The following INTS13 variants were observed in gnomAD, a reference collection of about 807,000 sequenced individuals.
INTS13 encodes the protein asunder, spermatogenesis regulator homolog (Drosphila).
INTS13 carries 35 observed loss-of-function variants against 90.2 expected under a neutral mutation model. The ratio of observed to expected loss-of-function variants is 0.39; its 90% CI spans 0.30 to 0.51. INTS13 has a LOEUF of 0.51. Among genes scored for constraint, INTS13 ranks in the 20% least tolerant of loss-of-function variants. The pLI, the probability that INTS13 is intolerant of heterozygous loss-of-function variation, is 0.80. For missense variants in INTS13, 601 were observed against 851.2 expected (o/e 0.71, Z 3.66); for synonymous variants, 309 against 277.1 (o/e 1.11, Z -1.14).
intron 5 of INTS13, among the ~76,000 whole-genome samples, chr12:26,927,392 C>T (rs1937936987): frequency 6.6e-6 from 1 of 152,112 alleles, no homozygotes; most frequent in Non-Finnish European, 1.5e-5. Context: ...AGTTGGTATT[C>T]ACAGAGTTGG....
At chr12:26,914,341 T>C in intron 12 of INTS13, 67 bp downstream of exon 12, 1 of 1,426,328 alleles carries the variant, frequency 7.0e-7, no homozygotes, top group South Asian at 1.4e-5. Flanking sequence ...TTACAAATTG[T>C]CTAATTGATT....
Position 26,924,384 on chromosome 12 carries a change from A to C in INTS13, c.775T>G (p.Ser259Ala). The C allele has an allele frequency of 1.2e-6, 2 of 1,613,008 alleles. No individual in the cohort carries two copies. The highest frequency in any genetic ancestry group is 1.7e-6 in the Non-Finnish European group (2 of 1,179,394). ...ILVQQHFDLA[S>A]TTITNIPMKE... ...ATTGGAATATTTGTAATAGTAGTTG[A>C]AGCCAAGTCAAAATGTTGCTGTACT... is the stretch of plus-strand genomic sequence containing the variant. The change falls in exon 7 of 17, where the codon TCA becomes GCA. Residue 259 changes from serine (S) to alanine (A), a missense_variant. Physicochemically the swap from Ser to Ala is moderately conservative, Grantham distance 99. Transcript: ENST00000261191.
intron 6 of INTS13, 134 bp downstream of exon 6, chr12:26,925,627 A>T: frequency 1.4e-6 from 1 of 691,674 alleles, no homozygotes; most frequent in Non-Finnish European, 2.3e-6. Flanking sequence ...GTCTTGACAT[A>T]GAGGTTTACT....
intron 1 of INTS13, among the ~76,000 whole-genome samples, chr12:26,937,220 C>T (rs774105443): frequency 6.6e-6 from 1 of 152,146 alleles, no homozygotes; most frequent in Non-Finnish European, 1.5e-5. Context: ...AAACCCCAAG[C>T]CAGCATTTTT....
intron 13 of INTS13, 105 bp from the exon 14 acceptor site, chr12:26,913,792 G>A: frequency 8.5e-7 from 1 of 1,178,030 alleles, no homozygotes; most frequent in South Asian, 1.5e-5. Flanking sequence ...CCTCTTACTT[G>A]GTACTTAATA....
intron 1 of INTS13, chr12:26,937,579 C>T (rs956227188): frequency 6.6e-6 from 1 of 152,260 alleles, no homozygotes; most frequent in Non-Finnish European, 1.5e-5. Flanking sequence ...AGACAATCCA[C>T]ATTCGAAAAG....
chr12:26,911,515 T>C (rs1209798652), intron 14 of INTS13, among the ~76,000 whole-genome samples, 198 bp from the exon 15 acceptor site: 1 of 152,020 alleles, frequency 6.6e-6, no homozygotes, highest in East Asian at 1.9e-4. Flanking sequence ...CCCTTTTCCT[T>C]CATAATAATA....
chr12:26,917,736 T>C lies in INTS13; in HGVS notation c.890-3A>G, dbSNP rs984527705. The C allele has an allele frequency of 1.2e-6, 2 of 1,610,560 alleles. No homozygotes were observed. Among genetic ancestry groups the C allele is most frequent in the African/African-American group, 1.3e-5 (1 of 74,848 alleles). On this transcript the variant is annotated splice_polypyrimidine_tract_variant and splice_region_variant and intron_variant, in intron 8 of 16. Coordinates refer to ENST00000261191, the MANE Select transcript of INTS13 (RefSeq NM_018164.3). Reference sequence around the variant, plus strand: ...GCCGCCACCTAGATGCGAATCACCTTTAAAAATATGTCAGAGACATTACAC... The same window carrying C: ...GCCGCCACCTAGATGCGAATCACCTCTAAAAATATGTCAGAGACATTACAC...
intron 3 of INTS13, among the ~76,000 whole-genome samples, chr12:26,932,421 T>C (rs1438314932): frequency 6.6e-6 from 1 of 152,174 alleles, no homozygotes; most frequent in African/African-American, 2.4e-5. Flanking sequence ...ACAACTTGAC[T>C]CCCAGATCTT....
chr12:26,935,445 A>G lies in INTS13; in HGVS notation c.226-815T>C, dbSNP rs574715608. Among the ~76,000 whole-genome samples, 20 of 152,274 alleles carry G rather than the reference A, an allele frequency of 1.3e-4. No individual in the cohort carries two copies. The South Asian group carries it at 3.7e-3, about 28-fold the overall frequency. On this transcript the variant is annotated intron_variant, in intron 2 of 16. Transcript: ENST00000261191. ...TACCAGTTTTCCTTCCTCCCCCAAG[A>G]AGTTTGATAATTGGTCTTCTCTTCC...
At chr12:26,915,845 G>C (rs1031794442) in intron 11 of INTS13, among the ~76,000 whole-genome samples, 157 bp downstream of exon 11, 30 of 152,054 alleles carry the variant, frequency 2.0e-4, no homozygotes, top group African/African-American at 7.2e-4. Flanking sequence ...TAGAATTTTT[G>C]AGCAAATATT....
rs1329945629 is a variant in INTS13 at position 26,915,988 on chromosome 12, T to C, written c.1248+14A>G. 1.9e-6 allele frequency: 3 copies of C among 1,591,006 alleles called. No individual in the cohort carries two copies. Among genetic ancestry groups the C allele is most frequent in the African/African-American group, 2.7e-5 (2 of 74,044 alleles). On this transcript the variant is annotated intron_variant, in intron 11 of 16. Coordinates refer to ENST00000261191, the MANE Select transcript of INTS13 (RefSeq NM_018164.3). ...AGATTCAAAACTTAAAATTTATAGA[T>C]ATTAGAGTCTTACTGTAATCCGGTA... is the stretch of plus-strand genomic sequence containing the variant.
chr12:26,932,766 T>G (rs1055215468), intron 3 of INTS13, among the ~76,000 whole-genome samples: 2 of 151,954 alleles, frequency 1.3e-5, no homozygotes, highest in Non-Finnish European at 2.9e-5. Context: ...GATAAAAGAG[T>G]AGAAGAACAG....
chr12:26,918,264 A>G (rs1406145165), intron 8 of INTS13, among the ~76,000 whole-genome samples: 2 of 152,212 alleles, frequency 1.3e-5, no homozygotes, highest in African/African-American at 2.4e-5. Context: ...GTTCACTTAA[A>G]AACAACAATG....
chr12:26,936,765 A>G lies in INTS13; in HGVS notation c.39T>C (p.Val13=). 1 of 1,614,106 alleles carries G rather than the reference A, an allele frequency of 6.2e-7. No individual in the cohort carries two copies. Among genetic ancestry groups the G allele is most frequent in the Non-Finnish European group, 8.5e-7 (1 of 1,179,976 alleles). The part of the protein sequence containing the change: ...IFSESHKTVF[V]VDHCPYMAES... ...CTGCCATATAAGGGCAGTGATCCAC[A>G]ACAAACACTGTTTTATGAGATTCAG... The change falls in exon 2 of 17, where the codon GTT becomes GTC. Residue 13 remains valine, a synonymous_variant. Coordinates refer to ENST00000261191, the MANE Select transcript of INTS13 (RefSeq NM_018164.3).
Position 26,916,198 on chromosome 12 carries a change from A to G in INTS13, c.1070-18T>C, listed in dbSNP as rs1951931128. 1 of 1,588,514 alleles carries G rather than the reference A, an allele frequency of 6.3e-7. No homozygotes were observed. The highest frequency in any genetic ancestry group is 1.4e-5 in the African/African-American group (1 of 73,910). Reference sequence around the variant, plus strand: ...AGAACGACCTGTCAAAAACAAGATTACACTATCAGTAATGAAACTCAAATG... The same window carrying G: ...AGAACGACCTGTCAAAAACAAGATTGCACTATCAGTAATGAAACTCAAATG... On this transcript the variant is annotated intron_variant, in intron 10 of 16. Coordinates refer to ENST00000261191, the MANE Select transcript of INTS13 (RefSeq NM_018164.3).
At chr12:26,912,074 T>C (rs1349865080) in intron 14 of INTS13, among the ~76,000 whole-genome samples, 1 of 152,226 alleles carries the variant, frequency 6.6e-6, no homozygotes, top group Non-Finnish European at 1.5e-5. Context: ...TTGTTAATCA[T>C]TGAAGGTAGA....
rs1592198637 is a variant in INTS13 at position 26,911,324 on chromosome 12, G to C, written c.1806-7C>G. On this transcript the variant is annotated splice_polypyrimidine_tract_variant and splice_region_variant and intron_variant, in intron 14 of 16. Transcript: ENST00000261191. ...CTCTAAGATTCCTTTTAATCTTTTA[G>C]AGGGACAAATAATGAAATGTAAAGT... The C allele has an allele frequency of 1.9e-6, 3 of 1,598,094 alleles. No homozygotes were observed. In the South Asian group the frequency reaches 3.4e-5, roughly 18 times the overall value.
intron 8 of INTS13, 137 bp from the exon 9 acceptor site, chr12:26,917,870 TCC>T: frequency 1.6e-6 from 1 of 634,912 alleles, no homozygotes. Context: ...ATGCCTGTAA[TCC>T]CAGCACTTTG....
Sources: gnomAD v4.1 joint callset for allele counts (sites outside exome capture counted in the v4.1 genomes callset) on GRCh38, gnomAD v4.1.1 for gene constraint, MANE v1.5 for transcripts, NCBI Gene and HGNC (gene_info 2026-07-23, HGNC 2026-07-21) for gene names.